EXOC6B: variants seen among roughly 807,000 people sequenced by gnomAD.
EXOC6B encodes the protein SEC15 homolog B.
A neutral mutation model predicts 113.5 loss-of-function variants in EXOC6B; 54 were observed. That is an observed-to-expected ratio of 0.48 (90% CI 0.38 to 0.60). EXOC6B has a LOEUF of 0.60. Ranked by LOEUF, EXOC6B falls within the 20% of genes least tolerant of loss-of-function variation. EXOC6B has a pLI of 0.00. For missense variants in EXOC6B, 797 were observed against 977.5 expected (o/e 0.82, Z 2.46); for synonymous variants, 357 against 339.0 (o/e 1.05, Z -0.58).
chr2:72,287,422 C>T (rs547900614), intron 20 of EXOC6B, among the ~76,000 whole-genome samples: 16 of 130,056 alleles, frequency 1.2e-4, no homozygotes, highest in African/African-American at 5.2e-4. Flanking sequence ...CAGAGTGAGA[C>T]TTCATCTCAA....
At chr2:72,706,631 T>A (rs938609345) in intron 6 of EXOC6B, among the ~76,000 whole-genome samples, 3 of 152,206 alleles carry the variant, frequency 2.0e-5, no homozygotes, top group Non-Finnish European at 4.4e-5. Flanking sequence ...CAGCTGAAAC[T>A]CTGCCTTGGA....
intron 20 of EXOC6B, among the ~76,000 whole-genome samples, chr2:72,302,308 T>C (rs908134568): frequency 6.6e-6 from 1 of 152,238 alleles, no homozygotes; most frequent in Non-Finnish European, 1.5e-5. Context: ...GAAGAATGTA[T>C]ATTCCTGTTG....
chr2:72,680,688 G>A (rs1676635421), intron 6 of EXOC6B, among the ~76,000 whole-genome samples: 1 of 151,702 alleles, frequency 6.6e-6, no homozygotes, highest in Non-Finnish European at 1.5e-5. Flanking sequence ...GCAGTGAGCT[G>A]AGATCTTGCG....
At chr2:72,550,767 T>G (rs1274639172) in intron 8 of EXOC6B, among the ~76,000 whole-genome samples, 1 of 152,168 alleles carries the variant, frequency 6.6e-6, no homozygotes, top group East Asian at 1.9e-4. Flanking sequence ...TGTAAATTTT[T>G]AAAAATTTGT....
At chr2:72,181,643 G>C (rs1678098456) in intron 21 of EXOC6B, among the ~76,000 whole-genome samples, 1 of 152,196 alleles carries the variant, frequency 6.6e-6, no homozygotes, top group Admixed American at 6.5e-5. Context: ...AAGCAGCTGA[G>C]AGACAGGCAG....
intron 20 of EXOC6B, among the ~76,000 whole-genome samples, chr2:72,325,323 T>C (rs920752148): frequency 4.6e-5 from 7 of 152,084 alleles, no homozygotes; most frequent in African/African-American, 1.7e-4. Flanking sequence ...CCCATAGATA[T>C]AGCTGGTTGT....
intron 1 of EXOC6B, among the ~76,000 whole-genome samples, chr2:72,786,208 G>A (rs1336554615): frequency 6.6e-6 from 1 of 152,204 alleles, no homozygotes; most frequent in Non-Finnish European, 1.5e-5. Context: ...GTTAGATTAT[G>A]TCCTCTATAC....
chr2:72,810,564 A>T (rs1166073911), intron 1 of EXOC6B, among the ~76,000 whole-genome samples: 1 of 152,020 alleles, frequency 6.6e-6, no homozygotes, highest in African/African-American at 2.4e-5. Flanking sequence ...TAGGAAGAAA[A>T]AAGTAAAATA....
intron 20 of EXOC6B, among the ~76,000 whole-genome samples, chr2:72,326,512 C>T (rs1688137632): frequency 6.6e-6 from 1 of 151,998 alleles, no homozygotes; most frequent in South Asian, 2.1e-4. Flanking sequence ...AGGTGGCTTA[C>T]TATGTTATGC....
chr2:72,581,923 C>G (rs1176696490), intron 6 of EXOC6B, among the ~76,000 whole-genome samples: 1 of 152,178 alleles, frequency 6.6e-6, no homozygotes. Flanking sequence ...CTCCACAGAT[C>G]AGACCATTGC....
At chr2:72,693,094 G>T (rs1677616059) in intron 6 of EXOC6B, among the ~76,000 whole-genome samples, 1 of 152,106 alleles carries the variant, frequency 6.6e-6, no homozygotes, top group South Asian at 2.1e-4. Context: ...GCTCAAAAAT[G>T]GTAGGCAAAC....
chr2:72,336,249 A>G (rs1039415845), intron 19 of EXOC6B, among the ~76,000 whole-genome samples: 5 of 152,198 alleles, frequency 3.3e-5, no homozygotes, highest in African/African-American at 1.2e-4. Flanking sequence ...TGCAATCAAT[A>G]AAATCTATCA....
intron 1 of EXOC6B, among the ~76,000 whole-genome samples, chr2:72,771,487 A>G (rs1011789030): frequency 2.0e-5 from 3 of 152,196 alleles, no homozygotes; most frequent in African/African-American, 7.2e-5. Context: ...CATTGATACA[A>G]TTATATCTAA....
intron 18 of EXOC6B, among the ~76,000 whole-genome samples, chr2:72,394,625 T>A (rs1006277248): frequency 1.3e-5 from 2 of 152,166 alleles, no homozygotes; most frequent in Non-Finnish European, 2.9e-5. Context: ...CCTGTTCAGG[T>A]TAAAGGTTAA....
At chr2:72,405,602 A>G (rs187823505) in intron 18 of EXOC6B, among the ~76,000 whole-genome samples, 99 of 152,328 alleles carry the variant, frequency 6.5e-4, no homozygotes, top group African/African-American at 2.3e-3. Context: ...CAGCAAAACG[A>G]AGCTTCATAA....
chr2:72,633,756 G>A (rs33999084), intron 6 of EXOC6B, among the ~76,000 whole-genome samples: 12 of 152,134 alleles, frequency 7.9e-5, no homozygotes, highest in African/African-American at 1.2e-4. Context: ...GTCTAAGACA[G>A]TATAAGCTGA....
intron 3 of EXOC6B, among the ~76,000 whole-genome samples, chr2:72,732,811 T>C (rs1250414786): frequency 1.3e-5 from 2 of 152,110 alleles, no homozygotes; most frequent in African/African-American, 2.4e-5. Flanking sequence ...GGAAATAACA[T>C]ATCAGGCAGA....
At chr2:72,207,794 T>C (rs2104368610) in intron 20 of EXOC6B, among the ~76,000 whole-genome samples, 1 of 152,332 alleles carries the variant, frequency 6.6e-6, no homozygotes, top group Admixed American at 6.5e-5. Context: ...CAATGATCCC[T>C]TTCTATCATA....
At chr2:72,490,561 G>A (rs1185890374) in intron 16 of EXOC6B, among the ~76,000 whole-genome samples, 4 of 152,082 alleles carry the variant, frequency 2.6e-5, no homozygotes, top group Non-Finnish European at 5.9e-5. Flanking sequence ...ATGTGTATGT[G>A]TCTATACATG....
Sources: gnomAD v4.1 joint callset for allele counts (sites outside exome capture counted in the v4.1 genomes callset) on GRCh38, gnomAD v4.1.1 for gene constraint, MANE v1.5 for transcripts, NCBI Gene and HGNC (gene_info 2026-07-23, HGNC 2026-07-21) for gene names.